Variants in FHIT observed in about 807,000 individuals in gnomAD.
FHIT encodes the protein bis(5'-adenosyl)-triphosphatase.
FHIT carries 19 observed loss-of-function variants against 17.9 expected under a neutral mutation model. The ratio of observed to expected loss-of-function variants is 1.06; its 90% CI spans 0.74 to 1.56. FHIT has a LOEUF of 1.56. Among genes scored for constraint, FHIT ranks in the 40% most tolerant of loss-of-function variants. The pLI is 0.00. For synonymous variants in FHIT, 81 were observed against 69.7 expected (o/e 1.16, Z -0.81); for missense variants, 248 against 189.2 (o/e 1.31, Z -1.82).
intron 1 of FHIT, among the ~76,000 whole-genome samples, chr3:61,216,099 T>C (rs1560085646): frequency 6.6e-6 from 1 of 152,108 alleles, no homozygotes; most frequent in South Asian, 2.1e-4. Context: ...ACTTCATGTC[T>C]AAAACACCAA....
At chr3:60,622,483 C>T (rs542654615) in intron 4 of FHIT, among the ~76,000 whole-genome samples, 1 of 152,044 alleles carries the variant, frequency 6.6e-6, no homozygotes, top group Non-Finnish European at 1.5e-5. Flanking sequence ...ATATAGTAAA[C>T]CCAGTGCTGA....
At chr3:60,067,035 A>G (rs952896777) in intron 5 of FHIT, among the ~76,000 whole-genome samples, 1 of 152,096 alleles carries the variant, frequency 6.6e-6, no homozygotes, top group African/African-American at 2.4e-5. Flanking sequence ...CAAATCAAAA[A>G]TTCTCATGAA....
intron 5 of FHIT, among the ~76,000 whole-genome samples, chr3:60,208,748 T>C (rs934665819): frequency 3.3e-5 from 5 of 152,176 alleles, no homozygotes; most frequent in African/African-American, 9.7e-5. Flanking sequence ...TGAAAGAAAA[T>C]AATCACCAGG....
At chr3:60,892,682 T>G (rs530285190) in intron 3 of FHIT, among the ~76,000 whole-genome samples, 1 of 152,304 alleles carries the variant, frequency 6.6e-6, no homozygotes, top group South Asian at 2.1e-4. Flanking sequence ...CTAACATTAC[T>G]GGAAGCATAA....
chr3:60,768,966 CAT>C (rs1252900730), intron 4 of FHIT, among the ~76,000 whole-genome samples: 3 of 152,186 alleles, frequency 2.0e-5, no homozygotes, highest in African/African-American at 7.2e-5. Flanking sequence ...TTGGAAAAGA[CAT>C]ATACTCAATA....
intron 5 of FHIT, among the ~76,000 whole-genome samples, chr3:60,267,099 C>T (rs213333): frequency 0.77 from 117,312 of 151,856 alleles, 45,685 homozygotes; most frequent in East Asian, 0.91. Flanking sequence ...GAAGGGAAGA[C>T]TAGTGATATT....
intron 5 of FHIT, among the ~76,000 whole-genome samples, chr3:60,246,466 T>G (rs1237453401): frequency 6.6e-6 from 1 of 152,086 alleles, no homozygotes; most frequent in African/African-American, 2.4e-5. Context: ...TGGATTTTAT[T>G]TGCAAATTAT....
intron 3 of FHIT, among the ~76,000 whole-genome samples, chr3:61,025,069 T>C (rs2032663164): frequency 6.6e-6 from 1 of 152,210 alleles, no homozygotes; most frequent in African/African-American, 2.4e-5. Context: ...TTCATCCCTA[T>C]ATAGCTTGCC....
At chr3:59,846,029 A>G (rs1480895450) in intron 8 of FHIT, among the ~76,000 whole-genome samples, 2 of 152,224 alleles carry the variant, frequency 1.3e-5, no homozygotes, top group East Asian at 1.9e-4. Context: ...ATGATTTTTT[A>G]AAACCATTTT....
intron 5 of FHIT, chr3:60,077,401 T>C (rs550410381): frequency 2.1e-4 from 32 of 151,836 alleles, no homozygotes; most frequent in Admixed American, 1.2e-3. Context: ...CTAAATACCA[T>C]TCTCCAAAAA....
At chr3:60,269,536 C>T (rs1285358783) in intron 5 of FHIT, among the ~76,000 whole-genome samples, 1 of 152,168 alleles carries the variant, frequency 6.6e-6, no homozygotes, top group South Asian at 2.1e-4. Flanking sequence ...ATTTTTGCCT[C>T]AGTTATCTTT....
chr3:60,690,162 G>A, intron 4 of FHIT: 1 of 440,682 alleles, frequency 2.3e-6, no homozygotes, highest in South Asian at 2.0e-5. Context: ...GGGGTGGAGG[G>A]GTGCTCCCCT....
At chr3:59,843,418 T>C (rs1360561166) in intron 8 of FHIT, among the ~76,000 whole-genome samples, 2 of 152,184 alleles carry the variant, frequency 1.3e-5, no homozygotes, top group African/African-American at 2.4e-5. Context: ...CAATTACATA[T>C]GAATTTCAGG....
intron 5 of FHIT, among the ~76,000 whole-genome samples, chr3:60,153,075 G>A (rs926534205): frequency 6.6e-6 from 1 of 152,064 alleles, no homozygotes; most frequent in Non-Finnish European, 1.5e-5. Context: ...TTCCTCCTCA[G>A]CCAACACACG....
At chr3:61,113,026 CAG>C (rs2036205383) in intron 2 of FHIT, among the ~76,000 whole-genome samples, 2 of 151,966 alleles carry the variant, frequency 1.3e-5, no homozygotes, top group Admixed American at 6.6e-5. Context: ...TTGTTTGAGA[CAG>C]AGTCTTTCTC....
chr3:60,801,220 G>GCC (rs1701175018), intron 4 of FHIT, among the ~76,000 whole-genome samples: 1 of 152,168 alleles, frequency 6.6e-6, no homozygotes, highest in African/African-American at 2.4e-5. Context: ...CCAGTCAGGG[G>GCC]TTATTCCGTG....
intron 3 of FHIT, among the ~76,000 whole-genome samples, chr3:60,895,436 T>C (rs1488998725): frequency 6.6e-6 from 1 of 152,196 alleles, no homozygotes; most frequent in Non-Finnish European, 1.5e-5. Flanking sequence ...TAATAATGTA[T>C]GGGAAGACTT....
chr3:60,666,668 C>T (rs1387238590), intron 4 of FHIT, among the ~76,000 whole-genome samples: 4 of 151,896 alleles, frequency 2.6e-5, no homozygotes, highest in Admixed American at 1.3e-4. Context: ...TTCAAATACT[C>T]GTGTTTATTT....
rs138679934 is a variant in FHIT, at chr3:61,176,753, G to A, written c.-164+23864C>T. Among the ~76,000 whole-genome samples, 403 of 152,300 alleles carry A rather than the reference G, an allele frequency of 2.6e-3. 1 individual carries two copies. The highest frequency in any genetic ancestry group is 9.3e-3 in the African/African-American group (385 of 41,572). On this transcript the variant is annotated intron_variant, in intron 2 of 9. Coordinates refer to ENST00000492590, the MANE Select transcript of FHIT (RefSeq NM_002012.4). ...GAAGAACTGACATGATGCTGATGAA[G>A]CTTAAACTTCAGGGTCCCTGTTGCA...
Sources: allele counts gnomAD v4.1 joint callset (sites outside exome capture counted in the v4.1 genomes callset), GRCh38; gene constraint gnomAD v4.1.1; transcripts MANE v1.5; gene names NCBI Gene and HGNC (gene_info 2026-07-23, HGNC 2026-07-21).